Variants in CYLC2 observed in about 807,000 individuals in gnomAD.
CYLC2 encodes the protein cylicin-2.
In CYLC2, 30 loss-of-function variants were observed where a neutral mutation model predicts 26.1. The observed-to-expected ratio is 1.15, with a 90% CI of 0.86 to 1.56. The LOEUF is 1.56. CYLC2 is among the 40% of genes most tolerant of loss of function. The probability of loss-of-function intolerance (pLI) is 0.00; values close to 1 mark genes in which losing one functional copy is unlikely to be tolerated. For missense variants in CYLC2, 498 were observed against 394.4 expected, an observed-to-expected ratio of 1.26 and a Z score of -2.23; for synonymous variants, 158 against 132.8, an observed-to-expected ratio of 1.19 and a Z score of -1.31.
chr9:103,014,613 T>C lies in CYLC2; in HGVS notation c.*817-2275T>C, dbSNP rs560269809. Among the ~76,000 whole-genome samples, 82 of 142,522 alleles carry C rather than the reference T, an allele frequency of 5.8e-4. 5 individuals carry two copies. The highest frequency in any genetic ancestry group is 2.0e-3 in the African/African-American group (78 of 38,410). The allele number at this position is 142,522 out of a possible 152,430, so 93.5% of individuals were successfully genotyped here. ...TATGTATATTATGCAGTATACATCA[T>C]ATGTATATTATGCAGTATACATCAT... is the stretch of plus-strand genomic sequence containing the variant. On this transcript the variant is annotated intron_variant, in intron 6 of 7. Transcript: ENST00000374798.
intron 2 of CYLC2, among the ~76,000 whole-genome samples, chr9:103,001,949 A>G (rs1587850797): frequency 1.3e-5 from 2 of 152,282 alleles, no homozygotes; most frequent in East Asian, 3.9e-4. Context: ...AATTTCTTCT[A>G]CAACATTCCT....
chr9:103,013,895 T>A (rs1420721859), intron 6 of CYLC2, among the ~76,000 whole-genome samples: 1 of 113,768 alleles, frequency 8.8e-6, no homozygotes, highest in African/African-American at 3.7e-5. Context: ...AATAATATAT[T>A]ATATATAATA....
chr9:103,008,355 T>C (rs1829373106), intron 5 of CYLC2, among the ~76,000 whole-genome samples: 1 of 152,080 alleles, frequency 6.6e-6, no homozygotes, highest in East Asian at 1.9e-4. Flanking sequence ...TCTATGTTGT[T>C]TTCTCAGTTA....
At chr9:102,995,884 T>C (rs945371000) in intron 1 of CYLC2, among the ~76,000 whole-genome samples, 1 of 151,848 alleles carries the variant, frequency 6.6e-6, no homozygotes, top group Non-Finnish European at 1.5e-5. Flanking sequence ...GGTATCCCTC[T>C]TGCAAAATAT....
intron 1 of CYLC2, among the ~76,000 whole-genome samples, chr9:103,001,232 G>GT (rs1335183033): frequency 6.6e-6 from 1 of 150,968 alleles, no homozygotes; most frequent in Non-Finnish European, 1.5e-5. Flanking sequence ...ATTCAACTGT[G>GT]TTTTTGTAAT....
intron 5 of CYLC2, chr9:103,010,798 T>C (rs956073832): frequency 6.6e-6 from 1 of 151,898 alleles, no homozygotes; most frequent in Admixed American, 6.6e-5. Context: ...ACCCTTTGTG[T>C]CTGCTCAGTA....
At chr9:103,004,641 C>T in intron 3 of CYLC2, 54 bp from the exon 4 acceptor site, 1 of 1,267,430 alleles carries the variant, frequency 7.9e-7, no homozygotes, top group South Asian at 1.5e-5. Flanking sequence ...TATATTAATA[C>T]AAACTGTGTT....
At chr9:103,008,622 T>A (rs1371539364) in intron 5 of CYLC2, among the ~76,000 whole-genome samples, 1 of 152,132 alleles carries the variant, frequency 6.6e-6, no homozygotes, top group Non-Finnish European at 1.5e-5. Context: ...TGGTATCCAA[T>A]CTGTAGCTTA....
intron 6 of CYLC2, among the ~76,000 whole-genome samples, chr9:103,014,752 A>AT (rs1829475032): frequency 2.5e-5 from 1 of 39,618 alleles, no homozygotes; most frequent in Non-Finnish European, 4.5e-5. Context: ...TATGCAATAT[A>AT]CATATGTAAT....
chr9:102,997,478 T>A (rs1829249565), intron 1 of CYLC2, among the ~76,000 whole-genome samples: 1 of 151,872 alleles, frequency 6.6e-6, no homozygotes. Flanking sequence ...AAGACAGTAA[T>A]CCTGGGGCAG....
chr9:103,001,674 T>C lies in CYLC2; in HGVS notation c.58+56T>C, dbSNP rs115228575. On this transcript the variant is annotated intron_variant, in intron 2 of 7. Coordinates refer to ENST00000374798, the MANE Select transcript of CYLC2 (RefSeq NM_001340.5). Reference sequence around the variant, plus strand: ...CAGGTGTGCTTAATTTTATGGTAAGTATTATCCTCTATTCAAAGTGATAAA... The same window carrying C: ...CAGGTGTGCTTAATTTTATGGTAAGCATTATCCTCTATTCAAAGTGATAAA... 1,951 of 1,058,386 alleles carry C rather than the reference T, an allele frequency of 1.8e-3. 16 individuals carry two copies. In the African/African-American group the frequency reaches 0.027, roughly 15 times the overall value. The allele number at this position is 1,058,386 out of a possible 1,614,324, so 65.6% of individuals were successfully genotyped here.
At chr9:102,996,519 TA>T (rs1829238993) in intron 1 of CYLC2, among the ~76,000 whole-genome samples, 1 of 151,942 alleles carries the variant, frequency 6.6e-6, no homozygotes, top group Non-Finnish European at 1.5e-5. Context: ...ATAGAAATCA[TA>T]ATCAAATGGC....
Position 103,005,024 on chromosome 9 carries a change from A to G in CYLC2, c.393A>G (p.Glu131=), listed in dbSNP as rs767605163. The part of the protein sequence containing the change: ...KTTQKDTTDS[E]SELKQGKKDS... ...CACAGAAGGACACAACAGATTCGGAATCAGAATTAAAACAAGGAAAAAAAG... is the reference window on the plus strand; with the variant it reads ...CACAGAAGGACACAACAGATTCGGAGTCAGAATTAAAACAAGGAAAAAAAG... Residue 131 remains glutamate, a synonymous_variant, in exon 5 of 8, where the codon GAA becomes GAG. Coordinates refer to ENST00000374798, the MANE Select transcript of CYLC2 (RefSeq NM_001340.5). 1.3e-6 allele frequency: 2 copies of G among 1,594,484 alleles called. No homozygotes were observed. Among genetic ancestry groups the G allele is most frequent in the South Asian group, 2.3e-5 (2 of 87,724 alleles).
At chr9:103,013,977 ATTAT>A (rs1433929608) in intron 6 of CYLC2, among the ~76,000 whole-genome samples, 6 of 99,778 alleles carry the variant, frequency 6.0e-5, no homozygotes, top group African/African-American at 7.7e-5. Flanking sequence ...TATATTATAT[ATTAT>A]TTAATATGAT....
intron 5 of CYLC2, among the ~76,000 whole-genome samples, chr9:103,011,023 C>CA (rs1488939754): frequency 6.6e-6 from 1 of 151,864 alleles, no homozygotes; most frequent in Admixed American, 6.6e-5. Context: ...GAAACCATTA[C>CA]AAAAAATAAC....
intron 5 of CYLC2, among the ~76,000 whole-genome samples, chr9:103,009,716 C>G (rs958228896): frequency 6.6e-6 from 1 of 151,942 alleles, no homozygotes; most frequent in Non-Finnish European, 1.5e-5. Context: ...TTCAATTCCC[C>G]ACTACCTTTT....
intron 1 of CYLC2, among the ~76,000 whole-genome samples, chr9:103,000,266 T>C (rs952588273): frequency 6.6e-6 from 1 of 151,980 alleles, no homozygotes; most frequent in Non-Finnish European, 1.5e-5. Flanking sequence ...AATTTTATTA[T>C]TGATTTCAAA....
At chr9:103,011,877 C>G (rs1428902731) in intron 5 of CYLC2, 105 bp from the exon 6 acceptor site, 1 of 150,370 alleles carries the variant, frequency 6.7e-6, no homozygotes, top group Non-Finnish European at 1.5e-5. Context: ...TGATATTATT[C>G]CAGTTCTCTT....
intron 5 of CYLC2, among the ~76,000 whole-genome samples, chr9:103,006,781 G>T (rs987126998): frequency 6.6e-6 from 1 of 152,046 alleles, no homozygotes; most frequent in African/African-American, 2.4e-5. Context: ...GTACATAGTA[G>T]ATTTAATAAT....
Sources: allele counts gnomAD v4.1 joint callset (sites outside exome capture counted in the v4.1 genomes callset), GRCh38; gene constraint gnomAD v4.1.1; transcripts MANE v1.5; gene names NCBI Gene and HGNC (gene_info 2026-07-23, HGNC 2026-07-21).